The following KIRREL1 variants were observed in gnomAD, a reference collection of about 807,000 sequenced individuals.
KIRREL1 encodes the protein kirre like nephrin family adhesion molecule 1.
In KIRREL1, 25 loss-of-function variants were observed where a neutral mutation model predicts 83.3. The observed-to-expected ratio is 0.30, with a 90% CI of 0.22 to 0.42. The LOEUF is 0.42. Among genes scored for constraint, KIRREL1 ranks in the 10% least tolerant of loss-of-function variants. The pLI is 1.00. For missense variants in KIRREL1, 812 were observed against 1,032.3 expected (o/e 0.79, Z 2.92); for synonymous variants, 388 against 410.4 (o/e 0.95, Z 0.66).
At chr1:158,067,952 A>T (rs1321230456) in intron 1 of KIRREL1, among the ~76,000 whole-genome samples, 1 of 152,174 alleles carries the variant, frequency 6.6e-6, no homozygotes, top group Non-Finnish European at 1.5e-5. Flanking sequence ...CCCTGGAAAG[A>T]TTCCCCTACG....
rs987230408 is a variant in KIRREL1, at chr1:158,075,496, G to A, written c.53-617G>A. Among the ~76,000 whole-genome samples, 3 of 152,152 alleles carry A rather than the reference G, an allele frequency of 2.0e-5. No individual in the cohort carries two copies. In the South Asian group the frequency reaches 6.2e-4, roughly 32 times the overall value. ...AGTGGGTTCAGAGCTACTTTGTTTTGGATACACTTTCCACCCAGGAAGCTT... is the reference window on the plus strand; with the variant it reads ...AGTGGGTTCAGAGCTACTTTGTTTTAGATACACTTTCCACCCAGGAAGCTT... On this transcript the variant is annotated intron_variant, in intron 1 of 14. Coordinates refer to ENST00000359209, the MANE Select transcript of KIRREL1 (RefSeq NM_018240.7).
chr1:158,023,443 A>AGATTTAG (rs780966869), intron 1 of KIRREL1, among the ~76,000 whole-genome samples: 72 of 152,340 alleles, frequency 4.7e-4, no homozygotes, highest in Admixed American at 1.2e-3. Context: ...ATTTTCACTT[A>AGATTTAG]AGAACAATAA....
chr1:158,017,831 C>T (rs888598387), intron 1 of KIRREL1, among the ~76,000 whole-genome samples: 2 of 150,592 alleles, frequency 1.3e-5, no homozygotes, highest in Non-Finnish European at 2.9e-5. Context: ...CTCAATCTCT[C>T]AGTTCTTTTG....
intron 1 of KIRREL1, among the ~76,000 whole-genome samples, chr1:158,060,427 T>C (rs918772404): frequency 6.6e-6 from 1 of 152,202 alleles, no homozygotes; most frequent in Non-Finnish European, 1.5e-5. Context: ...GACCCTTCTG[T>C]CTTTAGCTGA....
chr1:158,070,609 G>GC (rs1661484141), intron 1 of KIRREL1, among the ~76,000 whole-genome samples: 2 of 152,200 alleles, frequency 1.3e-5, no homozygotes, highest in Non-Finnish European at 2.9e-5. Context: ...CTGTGATAAA[G>GC]TGTTATAACC....
At chr1:158,049,988 G>A (rs1167425887) in intron 1 of KIRREL1, among the ~76,000 whole-genome samples, 3 of 152,142 alleles carry the variant, frequency 2.0e-5, no homozygotes, top group Admixed American at 2.0e-4. Context: ...GTCTTCAAGT[G>A]ATGGTGAGCA....
At chr1:158,033,887 G>A (rs1229062633) in intron 1 of KIRREL1, among the ~76,000 whole-genome samples, 1 of 152,104 alleles carries the variant, frequency 6.6e-6, no homozygotes, top group Non-Finnish European at 1.5e-5. Flanking sequence ...GCTGAGGCAG[G>A]AGAATTGCTT....
intron 1 of KIRREL1, among the ~76,000 whole-genome samples, chr1:158,058,377 T>G (rs1661124103): frequency 6.6e-6 from 1 of 152,190 alleles, no homozygotes; most frequent in Non-Finnish European, 1.5e-5. Flanking sequence ...TTAAAAATCC[T>G]TCATTATTAT....
intron 1 of KIRREL1, among the ~76,000 whole-genome samples, chr1:157,994,388 G>A (rs11578195): frequency 1.3e-5 from 2 of 150,842 alleles, no homozygotes; most frequent in South Asian, 2.1e-4. Flanking sequence ...TTGATACAGA[G>A]GGGGGGAACT....
chr1:158,020,766 A>T lies in KIRREL1; in HGVS notation c.52+27038A>T, dbSNP rs1004308557. ...TAATATGTGCTCAGAGAATGCAAACAGTTTTTAAATATTATCTTCAGTACG... is the reference window on the plus strand; with the variant it reads ...TAATATGTGCTCAGAGAATGCAAACTGTTTTTAAATATTATCTTCAGTACG... On this transcript the variant is annotated intron_variant, in intron 1 of 14. Coordinates refer to ENST00000359209, the MANE Select transcript of KIRREL1 (RefSeq NM_018240.7). 1.1e-4 allele frequency among the ~76,000 whole-genome samples: 16 copies of T among 152,324 alleles called. 1 individual carries two copies. The Middle Eastern group carries it at 0.014, about 130-fold the overall frequency.
intron 1 of KIRREL1, among the ~76,000 whole-genome samples, chr1:158,040,219 C>A (rs1307291375): frequency 6.6e-6 from 1 of 152,324 alleles, no homozygotes; most frequent in East Asian, 1.9e-4. Context: ...TTATGTAAGA[C>A]CATTCCTGGG....
Position 158,088,029 on chromosome 1 carries a change from T to C in KIRREL1, c.791T>C (p.Ile264Thr), listed in dbSNP as rs761695279. Residue 264 changes from isoleucine to threonine, a missense_variant, in exon 7 of 15, where the codon ATT becomes ACT. Transcript: ENST00000359209. Reference sequence around the variant, plus strand: ...AGGTGGGCCAAAGGGGGTTTCTTGATTGAAGACGCCCACGAGAGTCGCTAT... The same window carrying C: ...AGGTGGGCCAAAGGGGGTTTCTTGACTGAAGACGCCCACGAGAGTCGCTAT... ...GYRWAKGGFL[I>T]EDAHESRYET... The C allele has an allele frequency of 8.1e-6, 13 of 1,614,072 alleles. No individual in the cohort carries two copies. The highest frequency in any genetic ancestry group is 1.1e-5 in the Non-Finnish European group (13 of 1,180,052).
chr1:158,002,398 G>A (rs530608583), intron 1 of KIRREL1, among the ~76,000 whole-genome samples: 1 of 152,308 alleles, frequency 6.6e-6, no homozygotes, highest in East Asian at 1.9e-4. Flanking sequence ...CCACTGGTCT[G>A]TGGCCTTAGA....
intron 5 of KIRREL1, 104 bp downstream of exon 5, chr1:158,086,850 T>A: frequency 9.4e-7 from 1 of 1,068,528 alleles, no homozygotes; most frequent in South Asian, 1.5e-5. Context: ...AGTCCCCCTA[T>A]GGTCCCCAGG....
intron 1 of KIRREL1, among the ~76,000 whole-genome samples, chr1:158,037,185 C>T (rs143747010): frequency 6.6e-6 from 1 of 152,270 alleles, no homozygotes; most frequent in Non-Finnish European, 1.5e-5. Flanking sequence ...TTGCTTCATC[C>T]CTCTGGGCTT....
At chr1:158,090,398 T>C (rs188885748) in intron 10 of KIRREL1, among the ~76,000 whole-genome samples, 6 of 152,252 alleles carry the variant, frequency 3.9e-5, no homozygotes, top group Admixed American at 3.9e-4. Flanking sequence ...CCCCACACCA[T>C]GAGCCATTAA....
chr1:158,046,057 A>C (rs554839242), intron 1 of KIRREL1, among the ~76,000 whole-genome samples: 3 of 152,324 alleles, frequency 2.0e-5, no homozygotes, highest in African/African-American at 7.2e-5. Context: ...GGTATAATTC[A>C]TGTTTTAACA....
At position 158,077,641 on chromosome 1, in the gene KIRREL1, C is replaced by T. The variant is rs563678724; in HGVS notation, c.203-350C>T. 3.3e-5 allele frequency among the ~76,000 whole-genome samples: 5 copies of T among 152,338 alleles called. No homozygotes were observed. The South Asian group carries it at 1.0e-3, about 32-fold the overall frequency. ...GCGATGCCCTATATTTCCTGGCGCC[C>T]ACACACTCGCTCTCCCTCTCTCCCC... On this transcript the variant is annotated intron_variant, in intron 2 of 14. Transcript: ENST00000359209.
At chr1:158,049,752 T>C (rs954423951) in intron 1 of KIRREL1, among the ~76,000 whole-genome samples, 1 of 151,886 alleles carries the variant, frequency 6.6e-6, no homozygotes, top group Non-Finnish European at 1.5e-5. Flanking sequence ...AGGGATAGAA[T>C]CCAGACCTAT....
Sources: allele counts gnomAD v4.1 joint callset (sites outside exome capture counted in the v4.1 genomes callset), GRCh38; gene constraint gnomAD v4.1.1; transcripts MANE v1.5; gene names NCBI Gene and HGNC (gene_info 2026-07-23, HGNC 2026-07-21).